Variants in STAB2 observed in about 807,000 individuals in gnomAD.
STAB2 encodes the protein stabilin 2, also known as stabilin-2.
STAB2 carries 288 observed loss-of-function variants against 338.1 expected under a neutral mutation model. The ratio of observed to expected loss-of-function variants is 0.85; its 90% confidence interval spans 0.77 to 0.94. STAB2 has a LOEUF of 0.94. Among genes scored for constraint, STAB2 ranks in the 40% least tolerant of loss-of-function variants. STAB2 has a pLI of 0.00. For missense variants in STAB2, 3,141 were observed against 3,210.1 expected, an observed-to-expected ratio of 0.98 and a Z score of 0.52; for synonymous variants, 1,202 against 1,193.3, an observed-to-expected ratio of 1.01 and a Z score of -0.15.
Position 103,652,586 on chromosome 12 carries a change from G to A in STAB2, c.1288G>A (p.Ala430Thr), listed in dbSNP as rs1279099406. ...TGAGCTTTTGGTGGATAATAAAGCT[G>A]CTCAATACTTTGTGAAACTCCACAT... ...VNELLVDNKA[A>T]QYFVKLHIIA... Residue 430 changes from alanine (A) to threonine (T), a missense_variant, in exon 12 of 69, where the codon GCT (alanine) becomes ACT (threonine). Physicochemically the swap from Ala to Thr is moderately conservative, Grantham distance 58 (BLOSUM62 0). Transcript: ENST00000388887. The A allele has an allele frequency of 5.0e-6, 8 of 1,605,348 alleles. No homozygotes were observed. The highest frequency in any genetic ancestry group is 5.9e-6 in the Non-Finnish European group (7 of 1,176,614).
chr12:103,743,228 G>C (rs537214141), intron 56 of STAB2, among the ~76,000 whole-genome samples: 337 of 151,964 alleles, frequency 2.2e-3, no homozygotes, highest in African/African-American at 7.6e-3. Flanking sequence ...CTCCATGTTG[G>C]TCAGGCTGGT....
At chr12:103,659,481 G>T (rs1429622299) in intron 15 of STAB2, among the ~76,000 whole-genome samples, 3 of 152,232 alleles carry the variant, frequency 2.0e-5, no homozygotes, top group Non-Finnish European at 4.4e-5. Context: ...ACTTTTCCAA[G>T]CCAGAGTGAC....
At position 103,594,479 on chromosome 12, in the gene STAB2, T is replaced by C. The variant is rs771403776; in HGVS notation, c.300T>C (p.Cys100=). 1 of 1,613,990 alleles carries C rather than the reference T, an allele frequency of 6.2e-7. No homozygotes were observed. The highest frequency in any genetic ancestry group is 8.5e-7 in the Non-Finnish European group (1 of 1,179,868). ...ICRKDYLQPR[C]CPGRWGPDCI... ...GGAAGGACTATCTCCAACCTCGGTG[T>C]TGTCCTGGCCGCTGGGGCCCAGACT... Residue 100 remains cysteine (C), a synonymous_variant, in exon 3 of 69, where the codon TGT becomes TGC. Coordinates refer to ENST00000388887, the MANE Select transcript of STAB2 (RefSeq NM_017564.10).
rs573624013 is a variant in STAB2 at position 103,667,611 on chromosome 12, G to A, written c.2086-1032G>A. ...AAGAAGCCCTCAAATCACCCATCCC[G>A]GGAATCCTGTGACCCACACCTGGTT... On this transcript the variant is annotated intron_variant, in intron 19 of 68. Coordinates refer to ENST00000388887, the MANE Select transcript of STAB2 (RefSeq NM_017564.10). Among the ~76,000 whole-genome samples the A allele has an allele frequency of 9.2e-5, 14 of 152,224 alleles. No individual in the cohort carries two copies. The South Asian group carries it at 1.9e-3, about 20-fold the overall frequency.
At position 103,708,594 on chromosome 12, in the gene STAB2, A is replaced by G. The variant is rs542215434; in HGVS notation, c.4288+58A>G. The G allele has an allele frequency of 6.0e-5, 90 of 1,501,200 alleles. No homozygotes were observed. In the South Asian group the frequency reaches 9.9e-4, roughly 16 times the overall value. 93.0% of individuals were successfully genotyped at this position (1,501,200 alleles called of 1,614,324 possible). ...CTCTAAGCTTTGCTTCTCAGCAGCT[A>G]CATTTTTCTTTCTAAAATATAAATG... On this transcript the variant is annotated intron_variant, in intron 39 of 68. Transcript: ENST00000388887.
chr12:103,758,384 A>G (rs1396211803), intron 64 of STAB2, 95 bp downstream of exon 64: 1 of 1,571,384 alleles, frequency 6.4e-7, no homozygotes, highest in Non-Finnish European at 8.6e-7. Flanking sequence ...CTCAGTGGCT[A>G]CACATTTATT....
intron 56 of STAB2, among the ~76,000 whole-genome samples, chr12:103,742,896 T>C (rs1882699213): frequency 6.6e-6 from 1 of 152,204 alleles, no homozygotes; most frequent in Admixed American, 6.5e-5. Flanking sequence ...CAGGCACAAA[T>C]GTTTTACAAT....
chr12:103,661,815 G>A (rs922730645), intron 17 of STAB2, among the ~76,000 whole-genome samples: 58 of 152,248 alleles, frequency 3.8e-4, no homozygotes, highest in African/African-American at 1.4e-3. Flanking sequence ...GTGAGGAACA[G>A]CAAGGCCAGT....
intron 42 of STAB2, 131 bp from the exon 43 acceptor site, chr12:103,715,684 C>T: frequency 1.0e-6 from 1 of 977,826 alleles, no homozygotes; most frequent in South Asian, 1.5e-5. Flanking sequence ...CTCAGAACTT[C>T]CAGAAAACTG....
In STAB2 at chr12:103,728,855, G is replaced by A; in HGVS notation, c.4942G>A (p.Asp1648Asn). The change falls in exon 48 of 69, where the codon GAC becomes AAC. Residue 1648 changes from aspartate (D) to asparagine (N), a missense_variant. Coordinates refer to ENST00000388887, the MANE Select transcript of STAB2 (RefSeq NM_017564.10). ...AAFDEEARVK[D>N]WDKYGLMPQV... ...CTCTGATCTTCTGTTACAGGTTAAA[G>A]ACTGGGACAAATACGGTTTAATGCC... The A allele has an allele frequency of 6.2e-7, 1 of 1,613,996 alleles. No homozygotes were observed. The highest frequency in any genetic ancestry group is 8.5e-7 in the Non-Finnish European group (1 of 1,179,876).
chr12:103,711,614 C>T (rs1206385908), intron 40 of STAB2, 98 bp downstream of exon 40: 3 of 1,384,824 alleles, frequency 2.2e-6, no homozygotes, highest in Non-Finnish European at 3.0e-6. Context: ...TGTTTCCTGA[C>T]ACCATTTCTG....
In STAB2 at chr12:103,675,921, T is replaced by C. The variant is rs377222896; in HGVS notation, c.2553-7T>C. On this transcript the variant is annotated splice_polypyrimidine_tract_variant and splice_region_variant and intron_variant, in intron 23 of 68. Coordinates refer to ENST00000388887, the MANE Select transcript of STAB2 (RefSeq NM_017564.10). ...CTGGGGCTGATATTGCACACTCTCC[T>C]TTGCAGTTGTATTTGCAAAGCAGGA... The C allele has an allele frequency of 3.7e-6, 6 of 1,609,232 alleles. No homozygotes were observed. In the African/African-American group the frequency reaches 6.7e-5, roughly 18 times the overall value.
intron 5 of STAB2, among the ~76,000 whole-genome samples, chr12:103,631,034 A>G (rs897456844): frequency 2.0e-5 from 3 of 152,226 alleles, no homozygotes; most frequent in Non-Finnish European, 4.4e-5. Context: ...TAAAGAGTTG[A>G]CCATTCACAT....
intron 7 of STAB2, 58 bp downstream of exon 7, chr12:103,637,294 G>GC: frequency 6.4e-7 from 1 of 1,559,168 alleles, no homozygotes. Flanking sequence ...TTATTTAACA[G>GC]GAAAAAAAAA....
chr12:103,727,061 A>G lies in STAB2; in HGVS notation c.4852-206A>G, dbSNP rs376528733. On this transcript the variant is annotated intron_variant, in intron 46 of 68. Coordinates refer to ENST00000388887, the MANE Select transcript of STAB2 (RefSeq NM_017564.10). ...TATTTTCAAAATCTTTAATACAATAAACGTGTTAATTTTATAATGAGAAGA... is the reference window on the plus strand; with the variant it reads ...TATTTTCAAAATCTTTAATACAATAGACGTGTTAATTTTATAATGAGAAGA... Among the ~76,000 whole-genome samples the G allele has an allele frequency of 7.0e-4, 107 of 152,342 alleles. 2 individuals are homozygous for G. Among genetic ancestry groups the G allele is most frequent in the African/African-American group, 1.8e-3 (76 of 41,586 alleles).
chr12:103,682,189 T>C (rs78265542), intron 25 of STAB2, among the ~76,000 whole-genome samples: 180 of 152,160 alleles, frequency 1.2e-3, no homozygotes, highest in African/African-American at 4.1e-3. Flanking sequence ...GGGGGTCTCT[T>C]TGTGGTGTTC....
At chr12:103,755,220 A>T in intron 61 of STAB2, 82 bp from the exon 62 acceptor site, 4 of 1,555,676 alleles carry the variant, frequency 2.6e-6, no homozygotes, top group South Asian at 1.2e-5. Flanking sequence ...TTATGGCCTA[A>T]TAGGGGAATC....
At chr12:103,728,755 T>C in intron 47 of STAB2, 94 bp from the exon 48 acceptor site, 1 of 1,502,604 alleles carries the variant, frequency 6.7e-7, no homozygotes, top group South Asian at 1.2e-5. Flanking sequence ...GGCCGAGAGG[T>C]GTGGAAGAGA....
intron 3 of STAB2, among the ~76,000 whole-genome samples, chr12:103,611,219 C>T (rs183103437): frequency 6.6e-6 from 1 of 152,160 alleles, no homozygotes; most frequent in Non-Finnish European, 1.5e-5. Context: ...TGGTGCAGAG[C>T]TGAGTTCAAT....
Sources: gnomAD v4.1 joint callset for allele counts (sites outside exome capture counted in the v4.1 genomes callset) on GRCh38, gnomAD v4.1.1 for gene constraint, MANE v1.5 for transcripts, NCBI Gene and HGNC (gene_info 2026-07-23, HGNC 2026-07-21) for gene names.